CSMD1: variants seen among roughly 807,000 people sequenced by gnomAD.
CSMD1 encodes CUB and Sushi multiple domains 1, also known as CUB and sushi domain-containing protein 1.
In CSMD1, 213 loss-of-function variants were observed where a neutral mutation model predicts 417.5. That is an observed-to-expected ratio of 0.51 (90% confidence interval 0.46 to 0.57). The LOEUF is 0.57. Among genes scored for constraint, CSMD1 ranks in the 20% least tolerant of loss-of-function variants. The pLI, the probability that CSMD1 is intolerant of heterozygous loss-of-function variation, is 0.00. For synonymous variants in CSMD1, 2,862 were observed against 1,736.8 expected (o/e 1.65, Z -16.11); for missense variants, 6,923 against 4,529.7 (o/e 1.53, Z -15.17).
Position 4,170,897 on chromosome 8 carries a change from C to T in CSMD1, c.416-138798G>A, listed in dbSNP as rs369423329. On this transcript the variant is annotated intron_variant, in intron 3 of 69. Coordinates refer to ENST00000635120, the MANE Select transcript of CSMD1 (RefSeq NM_033225.6). ...TCCACCCTGCAAAGTGCATTCAAAT[C>T]ACTTTTCCCATTCACTTATTCCAAT... Among the ~76,000 whole-genome samples the T allele has an allele frequency of 1.1e-4, 16 of 151,982 alleles. 1 individual carries two copies. The East Asian group carries it at 1.9e-3, about 18-fold the overall frequency.
chr8:3,286,506 A>T (rs183214446), intron 25 of CSMD1, among the ~76,000 whole-genome samples: 46 of 152,114 alleles, frequency 3.0e-4, no homozygotes, highest in African/African-American at 1.1e-3. Flanking sequence ...CTGACTTGTT[A>T]ATGATCGCCA....
intron 1 of CSMD1, among the ~76,000 whole-genome samples, chr8:4,912,812 G>C (rs1045229048): frequency 6.6e-6 from 1 of 151,766 alleles, no homozygotes; most frequent in Admixed American, 6.6e-5. Flanking sequence ...GGGGCACAGA[G>C]TCTTGCTCTG....
intron 12 of CSMD1, among the ~76,000 whole-genome samples, chr8:3,453,223 G>C (rs1815866143): frequency 6.6e-6 from 1 of 151,838 alleles, no homozygotes; most frequent in East Asian, 1.9e-4. Context: ...TTATAGTCTT[G>C]CTAGCAGTCT....
chr8:4,867,967 T>TTC (rs1802514912), intron 1 of CSMD1, among the ~76,000 whole-genome samples: 1 of 151,710 alleles, frequency 6.6e-6, no homozygotes, highest in African/African-American at 2.4e-5. Flanking sequence ...CCTTAGATAT[T>TTC]TACACGTTTG....
chr8:3,846,749 C>G (rs1163780612), intron 5 of CSMD1, among the ~76,000 whole-genome samples: 1 of 152,164 alleles, frequency 6.6e-6, no homozygotes, highest in African/African-American at 2.4e-5. Flanking sequence ...CCTCGACTCA[C>G]TGCAACCTCT....
chr8:4,834,565 C>G (rs957540516), intron 1 of CSMD1, among the ~76,000 whole-genome samples: 1 of 151,242 alleles, frequency 6.6e-6, no homozygotes, highest in Non-Finnish European at 1.5e-5. Context: ...AAGGGAAGAA[C>G]GAAGTAATAC....
At chr8:3,674,198 T>C (rs1435747226) in intron 7 of CSMD1, among the ~76,000 whole-genome samples, 1 of 152,158 alleles carries the variant, frequency 6.6e-6, no homozygotes, top group African/African-American at 2.4e-5. Flanking sequence ...AGACCCTGAG[T>C]TGTCTCTAGA....
intron 1 of CSMD1, among the ~76,000 whole-genome samples, chr8:4,749,055 C>G (rs376964776): frequency 1.0e-4 from 11 of 105,002 alleles, no homozygotes; most frequent in African/African-American, 5.3e-4. Flanking sequence ...TGCCTGTGTG[C>G]GTGTGTGTGT....
chr8:3,404,514 G>C lies in CSMD1; in HGVS notation c.2266+1513C>G, dbSNP rs547797518. ...CCAGCTCTGCTTAGAGTCCTTGATAGAGATGATGGGTCTGAGAATGTTATT... is the reference window on the plus strand; with the variant it reads ...CCAGCTCTGCTTAGAGTCCTTGATACAGATGATGGGTCTGAGAATGTTATT... On this transcript the variant is annotated intron_variant, in intron 15 of 69. Transcript: ENST00000635120. 2.6e-5 allele frequency among the ~76,000 whole-genome samples: 4 copies of C among 152,224 alleles called. No individual in the cohort carries two copies. The East Asian group carries it at 5.8e-4, about 22-fold the overall frequency.
At chr8:3,115,601 G>A (rs368578537) in intron 42 of CSMD1, among the ~76,000 whole-genome samples, 6 of 152,112 alleles carry the variant, frequency 3.9e-5, no homozygotes, top group African/African-American at 1.4e-4. Flanking sequence ...AACTTTCAGA[G>A]ACATATTCTT....
At position 4,257,795 on chromosome 8, in the gene CSMD1, G is replaced by A. The variant is rs144609149; in HGVS notation, c.415+162158C>T. Reference sequence around the variant, plus strand: ...CATCCGCCTCGTAGGAATGCCACTAGCATTTAATGTGCATGAGGTTGCATG... The same window carrying A: ...CATCCGCCTCGTAGGAATGCCACTAACATTTAATGTGCATGAGGTTGCATG... On this transcript the variant is annotated intron_variant, in intron 3 of 69. Transcript: ENST00000635120. Among the ~76,000 whole-genome samples, 504 of 152,256 alleles carry A rather than the reference G, an allele frequency of 3.3e-3. 6 individuals carry two copies. Among genetic ancestry groups the A allele is most frequent in the African/African-American group, 0.011 (468 of 41,528 alleles).
At chr8:3,035,042 TTAAGA>T (rs1810581467) in intron 50 of CSMD1, among the ~76,000 whole-genome samples, 5 of 152,102 alleles carry the variant, frequency 3.3e-5, no homozygotes, top group Non-Finnish European at 5.9e-5. Context: ...CCCCTAAGAC[TTAAGA>T]CAAAGTGGAG....
chr8:3,257,263 G>A (rs995871596), intron 26 of CSMD1, among the ~76,000 whole-genome samples: 7 of 152,156 alleles, frequency 4.6e-5, no homozygotes, highest in South Asian at 2.1e-4. Flanking sequence ...GGCAGAGTTC[G>A]CAGCAAGCCA....
intron 3 of CSMD1, among the ~76,000 whole-genome samples, chr8:4,235,604 C>G (rs1443048255): frequency 1.3e-5 from 2 of 152,162 alleles, no homozygotes; most frequent in Non-Finnish European, 2.9e-5. Flanking sequence ...TCTCAGGGAT[C>G]TCATGACACT....
chr8:3,454,850 T>A (rs901743657), intron 12 of CSMD1, among the ~76,000 whole-genome samples: 1 of 152,190 alleles, frequency 6.6e-6, no homozygotes, highest in Admixed American at 6.5e-5. Flanking sequence ...TGAATTTGAA[T>A]GTTGGCCTGC....
chr8:3,034,120 G>A (rs1001333948), intron 50 of CSMD1, among the ~76,000 whole-genome samples: 1 of 152,284 alleles, frequency 6.6e-6, no homozygotes, highest in Admixed American at 6.5e-5. Flanking sequence ...AAGGCTGCCT[G>A]ATTGATACAC....
chr8:4,861,589 A>T (rs953134726), intron 1 of CSMD1, among the ~76,000 whole-genome samples: 1 of 152,142 alleles, frequency 6.6e-6, no homozygotes, highest in African/African-American at 2.4e-5. Context: ...TTGTCAACTG[A>T]AGTTCTTTGA....
intron 2 of CSMD1, among the ~76,000 whole-genome samples, chr8:4,584,082 G>C (rs549611414): frequency 3.9e-5 from 6 of 151,966 alleles, no homozygotes; most frequent in East Asian, 3.9e-4. Flanking sequence ...GAGCCAGCAA[G>C]ACCACGAACC....
chr8:3,826,355 A>T (rs1435323963), intron 5 of CSMD1, among the ~76,000 whole-genome samples: 3 of 152,088 alleles, frequency 2.0e-5, no homozygotes, highest in African/African-American at 7.2e-5. Context: ...GGGTTTGAAA[A>T]TTGCCTCTGA....
Sources: gnomAD v4.1 joint callset for allele counts (sites outside exome capture counted in the v4.1 genomes callset) on GRCh38, gnomAD v4.1.1 for gene constraint, MANE v1.5 for transcripts, NCBI Gene and HGNC (gene_info 2026-07-23, HGNC 2026-07-21) for gene names.